The following XKR6 variants were observed in gnomAD, a reference collection of about 807,000 sequenced individuals.
XKR6 encodes XK related 6.
A neutral mutation model predicts 56.7 loss-of-function variants in XKR6; 22 were observed. The ratio of observed to expected loss-of-function variants is 0.39; its 90% CI spans 0.28 to 0.55. The LOEUF is 0.55. Among genes scored for constraint, XKR6 ranks in the 20% least tolerant of loss-of-function variants. The probability of loss-of-function intolerance (pLI) is 0.66; values close to 1 mark genes in which losing one functional copy is unlikely to be tolerated. For synonymous variants in XKR6, 524 were observed against 387.8 expected (o/e 1.35, Z -4.13); for missense variants, 852 against 889.0 (o/e 0.96, Z 0.53).
intron 1 of XKR6, among the ~76,000 whole-genome samples, chr8:11,132,036 C>G (rs998590884): frequency 2.0e-5 from 3 of 152,252 alleles, no homozygotes; most frequent in African/African-American, 7.2e-5. Context: ...TCTCTGCATT[C>G]TGTGCTCTGA....
intron 1 of XKR6, among the ~76,000 whole-genome samples, chr8:11,099,622 G>A (rs906424080): frequency 2.6e-5 from 4 of 152,122 alleles, no homozygotes; most frequent in East Asian, 3.8e-4. Context: ...CAACTCCCTA[G>A]GCAAGGGCAA....
intron 1 of XKR6, among the ~76,000 whole-genome samples, chr8:11,134,102 G>T (rs1800258679): frequency 6.6e-6 from 1 of 152,088 alleles, no homozygotes; most frequent in African/African-American, 2.4e-5. Flanking sequence ...CTGGTTCCTG[G>T]TTCATTTGGA....
At chr8:11,007,343 C>A (rs1432151739) in intron 1 of XKR6, among the ~76,000 whole-genome samples, 1 of 152,188 alleles carries the variant, frequency 6.6e-6, no homozygotes, top group Non-Finnish European at 1.5e-5. Context: ...CAGCCAAGTG[C>A]ATCTTAAGCA....
intron 1 of XKR6, among the ~76,000 whole-genome samples, chr8:11,053,163 G>A (rs763891607): frequency 4.6e-5 from 7 of 152,222 alleles, no homozygotes; most frequent in Non-Finnish European, 7.3e-5. Flanking sequence ...GCTGGGATCC[G>A]CTATAGGCTG....
At chr8:11,163,803 G>A (rs1021932829) in intron 1 of XKR6, among the ~76,000 whole-genome samples, 4 of 152,138 alleles carry the variant, frequency 2.6e-5, no homozygotes, top group Admixed American at 2.6e-4. Context: ...CTGTGGCAAA[G>A]AGAGTAGAGT....
chr8:11,201,001 C>G lies in XKR6; in HGVS notation c.339G>C (p.Ala113=). 7.0e-7 allele frequency: 1 copy of G among 1,438,838 alleles called. No individual in the cohort carries two copies. The highest frequency in any genetic ancestry group is 9.1e-7 in the Non-Finnish European group (1 of 1,094,906). The allele number at this position is 1,438,838 out of a possible 1,614,324, so 89.1% of individuals were successfully genotyped here. ...AGRQPPTPSA[A]RPEPPPPQVE... ...CCTGCGGCGGCGGCGGCTCCGGCCG[C>G]GCGGCCGAGGGCGTCGGGGGTTGGC... The change falls in exon 1 of 3, where the codon GCG becomes GCC. Residue 113 remains alanine (A), a synonymous_variant. Transcript: ENST00000416569.
chr8:11,006,421 C>G (rs1362522379), intron 1 of XKR6, among the ~76,000 whole-genome samples: 1 of 152,168 alleles, frequency 6.6e-6, no homozygotes, highest in African/African-American at 2.4e-5. Context: ...TCGTATGTTG[C>G]ATGTCTGAGA....
At chr8:11,024,707 T>C (rs550652711) in intron 1 of XKR6, among the ~76,000 whole-genome samples, 5 of 152,202 alleles carry the variant, frequency 3.3e-5, no homozygotes, top group Non-Finnish European at 7.3e-5. Flanking sequence ...ATTTCCTCTA[T>C]TGACCCCCAG....
intron 2 of XKR6, among the ~76,000 whole-genome samples, chr8:10,907,125 G>C (rs1211105231): frequency 6.6e-6 from 1 of 152,156 alleles, no homozygotes; most frequent in Non-Finnish European, 1.5e-5. Flanking sequence ...TAGCCCTCAG[G>C]ACTGACAAAT....
intron 1 of XKR6, among the ~76,000 whole-genome samples, chr8:10,932,238 A>T (rs1346949227): frequency 6.6e-6 from 1 of 152,188 alleles, no homozygotes; most frequent in Non-Finnish European, 1.5e-5. Flanking sequence ...GAGCAACTAG[A>T]ATGCTCATAT....
Position 11,014,347 on chromosome 8 carries a change from C to A in XKR6, c.765-89517G>T, listed in dbSNP as rs118175172. Among the ~76,000 whole-genome samples, 41 of 152,290 alleles carry A rather than the reference C, an allele frequency of 2.7e-4. No individual in the cohort carries two copies. The East Asian group carries it at 7.7e-3, about 29-fold the overall frequency. ...AGATTTTCAAAAGCAGGCACAGGAC[C>A]AACCACAAAAGGAAAGTTTCTAAAG... On this transcript the variant is annotated intron_variant, in intron 1 of 2. Transcript: ENST00000416569.
chr8:10,981,173 G>A (rs1797726290), intron 1 of XKR6, among the ~76,000 whole-genome samples: 1 of 152,210 alleles, frequency 6.6e-6, no homozygotes. Flanking sequence ...AACAGCTCTT[G>A]CAATACTGAG....
intron 1 of XKR6, among the ~76,000 whole-genome samples, chr8:11,171,329 G>C (rs1247332492): frequency 6.6e-6 from 1 of 152,214 alleles, no homozygotes; most frequent in Non-Finnish European, 1.5e-5. Context: ...AAAATATCCT[G>C]TCGTCTACTT....
intron 1 of XKR6, among the ~76,000 whole-genome samples, chr8:11,172,636 G>A (rs1802437283): frequency 1.3e-5 from 2 of 152,180 alleles, no homozygotes; most frequent in Non-Finnish European, 2.9e-5. Context: ...TTGGCTTACT[G>A]TTGCCGGGAA....
At chr8:11,018,646 G>A (rs1798679888) in intron 1 of XKR6, among the ~76,000 whole-genome samples, 1 of 152,178 alleles carries the variant, frequency 6.6e-6, no homozygotes, top group Non-Finnish European at 1.5e-5. Flanking sequence ...GGGAGGGATG[G>A]ATCCTTATTT....
intron 1 of XKR6, among the ~76,000 whole-genome samples, chr8:11,051,383 A>G (rs1004974134): frequency 6.6e-6 from 1 of 151,772 alleles, no homozygotes; most frequent in African/African-American, 2.4e-5. Flanking sequence ...ATGACTCCCA[A>G]AGTGACATCT....
chr8:11,120,540 T>C (rs536914975), intron 1 of XKR6, among the ~76,000 whole-genome samples: 4 of 152,032 alleles, frequency 2.6e-5, no homozygotes, highest in Middle Eastern at 3.4e-3. Context: ...TAAAAGAGGA[T>C]ACAAACAAAT....
At chr8:11,088,493 T>C (rs1385610358) in intron 1 of XKR6, among the ~76,000 whole-genome samples, 2 of 152,132 alleles carry the variant, frequency 1.3e-5, no homozygotes, top group Non-Finnish European at 2.9e-5. Context: ...AGAGGCAAAA[T>C]CATACCTGAA....
chr8:11,166,838 C>G (rs906621073), intron 1 of XKR6, among the ~76,000 whole-genome samples: 1 of 152,166 alleles, frequency 6.6e-6, no homozygotes, highest in South Asian at 2.1e-4. Flanking sequence ...CTCTCAAAAA[C>G]TGCTGAGATT....
Sources: allele counts gnomAD v4.1 joint callset (sites outside exome capture counted in the v4.1 genomes callset), GRCh38; gene constraint gnomAD v4.1.1; transcripts MANE v1.5; gene names NCBI Gene and HGNC (gene_info 2026-07-23, HGNC 2026-07-21).